CRISP3: variants seen among roughly 807,000 people sequenced by gnomAD.
The protein encoded by CRISP3 is cysteine rich secretory protein 3, also known as cysteine-rich secretory protein 3.
Under a neutral mutation model 36.1 loss-of-function variants are expected in CRISP3, and 33 were observed. That is an observed-to-expected ratio of 0.91 (90% CI 0.69 to 1.22). The LOEUF (loss-of-function observed/expected upper bound fraction) is 1.22. Ranked by LOEUF, CRISP3 falls within the 50% of genes most tolerant of loss-of-function variation. The pLI, the probability that CRISP3 is intolerant of heterozygous loss-of-function variation, is 0.00. For missense variants in CRISP3, 330 were observed against 301.2 expected (o/e 1.10, Z -0.71); for synonymous variants, 117 against 104.6 (o/e 1.12, Z -0.72).
At chr6:49,731,299 GT>G in intron 6 of CRISP3, 48 bp from the exon 7 acceptor site, 1 of 1,271,490 alleles carries the variant, frequency 7.9e-7, no homozygotes, top group Non-Finnish European at 1.1e-6. Context: ...TTTATGTTTC[GT>G]TTATGTTCCA....
In CRISP3 at chr6:49,733,688, A is replaced by T. The variant is rs1302355327; in HGVS notation, c.462+15T>A. On this transcript the variant is annotated intron_variant, in intron 5 of 7. Transcript: ENST00000263045. Reference sequence around the variant, plus strand: ...GCACTTATAAAGGAGATGGTTTTTCATTTCTTCTCCTTACCTGTGTATAAT... The same window carrying T: ...GCACTTATAAAGGAGATGGTTTTTCTTTTCTTCTCCTTACCTGTGTATAAT... 3.8e-6 allele frequency: 6 copies of T among 1,591,316 alleles called. No individual in the cohort carries two copies. The African/African-American group carries it at 5.4e-5, about 14-fold the overall frequency.
chr6:49,740,253 T>C (rs1215621130), intron 1 of CRISP3, among the ~76,000 whole-genome samples: 1 of 152,204 alleles, frequency 6.6e-6, no homozygotes, highest in Non-Finnish European at 1.5e-5. Context: ...ACTGACAACA[T>C]ATATCTACAA....
chr6:49,733,336 AG>A (rs2127451031), intron 5 of CRISP3, 44 bp from the exon 6 acceptor site: 1 of 1,294,238 alleles, frequency 7.7e-7, no homozygotes, highest in East Asian at 2.3e-5. Flanking sequence ...TTAGAGAAGA[AG>A]GAAATACCAA....
intron 5 of CRISP3, 38 bp downstream of exon 5, chr6:49,733,665 A>G (rs1439488110): frequency 8.4e-6 from 13 of 1,543,154 alleles, no homozygotes; most frequent in Non-Finnish European, 8.7e-6. Context: ...TTTTTAGGGC[A>G]CTTATAAAGG....
At chr6:49,739,766 G>GAA (rs11432427) in intron 1 of CRISP3, among the ~76,000 whole-genome samples, 20 of 149,746 alleles carry the variant, frequency 1.3e-4, no homozygotes, top group East Asian at 1.2e-3. Context: ...TAGAAAGAAT[G>GAA]AAAAAAAAAT....
intron 1 of CRISP3, among the ~76,000 whole-genome samples, chr6:49,741,725 G>A (rs1381005602): frequency 1.4e-5 from 2 of 145,898 alleles, no homozygotes; most frequent in Non-Finnish European, 3.0e-5. Flanking sequence ...AATTCTAGGT[G>A]CATTTCATTT....
At chr6:49,738,056 A>T (rs1769105112) in intron 1 of CRISP3, among the ~76,000 whole-genome samples, 1 of 152,186 alleles carries the variant, frequency 6.6e-6, no homozygotes, top group South Asian at 2.1e-4. Context: ...CCTCAAATTT[A>T]AAAAGGCAAC....
At chr6:49,733,585 C>T in intron 5 of CRISP3, 118 bp downstream of exon 5, 1 of 1,007,760 alleles carries the variant, frequency 9.9e-7, no homozygotes, top group East Asian at 2.5e-5. Flanking sequence ...AAATGCCAGA[C>T]TATTCTATAT....
At chr6:49,741,149 A>C (rs1382491780) in intron 1 of CRISP3, among the ~76,000 whole-genome samples, 9 of 69,606 alleles carry the variant, frequency 1.3e-4, no homozygotes, top group South Asian at 5.3e-4. Flanking sequence ...AAAAAAAACC[A>C]CCAAAAAAAA....
At chr6:49,735,443 A>G (rs1196138873) in intron 4 of CRISP3, 61 bp downstream of exon 4, 2 of 1,330,608 alleles carry the variant, frequency 1.5e-6, no homozygotes, top group Non-Finnish European at 2.1e-6. Flanking sequence ...ATGCAACATC[A>G]TAACATGGTT....
At chr6:49,742,041 C>T (rs1156948937) in intron 1 of CRISP3, among the ~76,000 whole-genome samples, 1 of 150,936 alleles carries the variant, frequency 6.6e-6, no homozygotes, top group African/African-American at 2.4e-5. Flanking sequence ...ACAAAAATAC[C>T]ATTTCTATTA....
intron 1 of CRISP3, among the ~76,000 whole-genome samples, chr6:49,739,563 T>C (rs923752351): frequency 6.6e-6 from 1 of 151,964 alleles, no homozygotes; most frequent in African/African-American, 2.4e-5. Context: ...GCTCAGGGAG[T>C]AAACAACTTG....
intron 6 of CRISP3, among the ~76,000 whole-genome samples, chr6:49,732,863 T>C (rs1339009917): frequency 6.6e-6 from 1 of 152,194 alleles, no homozygotes; most frequent in African/African-American, 2.4e-5. Flanking sequence ...GTTTCTCGTG[T>C]GTAAACTTAG....
intron 1 of CRISP3, among the ~76,000 whole-genome samples, chr6:49,741,128 A>AC (rs201917779): frequency 0.061 from 6,354 of 103,466 alleles, 170 homozygotes; most frequent in South Asian, 0.082. Context: ...AACAAACAAA[A>AC]AAAACAAACA....
chr6:49,736,263 T>G, intron 3 of CRISP3, 128 bp downstream of exon 3: 1 of 684,736 alleles, frequency 1.5e-6, no homozygotes, highest in Non-Finnish European at 2.6e-6. Flanking sequence ...ATTACACAGC[T>G]CAAATGAAAC....
At chr6:49,733,412 C>T in intron 5 of CRISP3, 120 bp from the exon 6 acceptor site, 2 of 692,370 alleles carry the variant, frequency 2.9e-6, no homozygotes, top group East Asian at 2.6e-5. Flanking sequence ...TTTCATATAC[C>T]TTATGGCTAT....
intron 4 of CRISP3, among the ~76,000 whole-genome samples, chr6:49,735,076 A>C (rs1274080136): frequency 6.6e-6 from 1 of 152,146 alleles, no homozygotes; most frequent in African/African-American, 2.4e-5. Flanking sequence ...TATAGAAAAA[A>C]AATTAAGTAG....
chr6:49,732,895 T>A (rs1008358647), intron 6 of CRISP3, among the ~76,000 whole-genome samples: 1 of 152,134 alleles, frequency 6.6e-6, no homozygotes, highest in Non-Finnish European at 1.5e-5. Flanking sequence ...AAAATTATAT[T>A]TAGATAACTA....
chr6:49,733,192 TA>T lies in CRISP3; in HGVS notation c.560+2del. ...GACAATAAACGCTAAAATATATACT[TA>T]CGCAGGACAATATTGGCAAACATAG... On this transcript the variant is annotated splice_donor_variant, in intron 6 of 7. Transcript: ENST00000263045. LOFTEE classifies it high-confidence loss of function. The T allele has an allele frequency of 6.5e-7, 1 of 1,533,340 alleles. No individual in the cohort carries two copies. The highest frequency in any genetic ancestry group is 8.9e-7 in the Non-Finnish European group (1 of 1,117,416). 95.0% of individuals were successfully genotyped at this position (1,533,340 alleles called of 1,614,324 possible). A position where few individuals can be genotyped will look rare whatever the true frequency, so the allele number is the denominator to read the frequency against.
Sources: allele counts gnomAD v4.1 joint callset (sites outside exome capture counted in the v4.1 genomes callset), GRCh38; gene constraint gnomAD v4.1.1; transcripts MANE v1.5; gene names NCBI Gene and HGNC (gene_info 2026-07-23, HGNC 2026-07-21).